The following PDE8A variants were observed in gnomAD, a reference collection of about 807,000 sequenced individuals.
PDE8A encodes the protein phosphodiesterase 8A.
In PDE8A, 59 loss-of-function variants were observed where a neutral mutation model predicts 105.0. That is an observed-to-expected ratio of 0.56 (90% CI 0.46 to 0.70). The LOEUF is 0.70. Among genes scored for constraint, PDE8A ranks in the 30% least tolerant of loss-of-function variants. The pLI, the probability that PDE8A is intolerant of heterozygous loss-of-function variation, is 0.00. For synonymous variants in PDE8A, 355 were observed against 371.9 expected (o/e 0.95, Z 0.52); for missense variants, 1,014 against 1,045.9 (o/e 0.97, Z 0.42).
chr15:85,081,166 T>G (rs1263199979), intron 5 of PDE8A, among the ~76,000 whole-genome samples: 2 of 152,196 alleles, frequency 1.3e-5, no homozygotes, highest in Non-Finnish European at 2.9e-5. Flanking sequence ...GCTAACACCA[T>G]AATGATATCT....
chr15:85,138,199 CA>C lies in PDE8A; in HGVS notation c.*299del, dbSNP rs746006601. On this transcript the variant is annotated 3_prime_UTR_variant, in exon 22 of 22. Transcript: ENST00000394553. ...AAACACAAGGTCTGGAGTGCCCCTG[CA>C]AAGGGTATTGATGGACTTCCTGCCA... 3.3e-4 allele frequency: 94 copies of C among 281,648 alleles called. No individual in the cohort carries two copies. Among genetic ancestry groups the C allele is most frequent in the Non-Finnish European group, 5.5e-4 (82 of 149,814 alleles). 17.4% of individuals were successfully genotyped at this position (281,648 alleles called of 1,614,324 possible).
At chr15:85,086,552 T>G (rs1303733182) in intron 6 of PDE8A, among the ~76,000 whole-genome samples, 2 of 152,134 alleles carry the variant, frequency 1.3e-5, no homozygotes, top group Non-Finnish European at 2.9e-5. Context: ...CAAGAGATAT[T>G]AATGGCCAAT....
rs201717385 is a variant in PDE8A, at chr15:84,999,078, A to G, written c.186+16730A>G. Reference sequence around the variant, plus strand: ...TTCTCTTGTCAATTCTCCCATCTACACAGAGAACTCCAGTTTGGTAAATTT... The same window carrying G: ...TTCTCTTGTCAATTCTCCCATCTACGCAGAGAACTCCAGTTTGGTAAATTT... On this transcript the variant is annotated intron_variant, in intron 1 of 21. Transcript: ENST00000394553. 5.3e-5 allele frequency among the ~76,000 whole-genome samples: 8 copies of G among 150,830 alleles called. No homozygotes were observed. In the East Asian group the frequency reaches 1.4e-3, roughly 26 times the overall value.
upstream of PDE8A, chr15:84,981,826 C>CT (rs1306799942): frequency 6.0e-6 from 1 of 165,950 alleles, no homozygotes; most frequent in Non-Finnish European, 1.3e-5. Context: ...AAGGAGAGCG[C>CT]AAATCTCCTC....
chr15:85,119,819 C>G (rs2082153648), intron 17 of PDE8A, among the ~76,000 whole-genome samples: 3 of 151,468 alleles, frequency 2.0e-5, no homozygotes, highest in South Asian at 4.2e-4. Context: ...TAGAAAATAA[C>G]AAAAATGAGA....
At chr15:85,011,821 A>C (rs2080243876) in intron 1 of PDE8A, among the ~76,000 whole-genome samples, 1 of 152,210 alleles carries the variant, frequency 6.6e-6, no homozygotes, top group Admixed American at 6.5e-5. Flanking sequence ...AATATCCAGA[A>C]TCTACAATGA....
intron 18 of PDE8A, among the ~76,000 whole-genome samples, 178 bp from the exon 19 acceptor site, chr15:85,122,883 A>G (rs2082203133): frequency 1.3e-5 from 2 of 152,176 alleles, no homozygotes; most frequent in African/African-American, 2.4e-5. Context: ...CTCCTTGCTA[A>G]CGATCTAGGC....
At chr15:84,980,690 A>C (rs2079692235), upstream of PDE8A, 3 of 152,290 alleles carry the variant, frequency 2.0e-5, no homozygotes. Flanking sequence ...CAAGAAGTTA[A>C]GTGACTGGCC....
intron 1 of PDE8A, among the ~76,000 whole-genome samples, chr15:85,012,049 C>T (rs2080248340): frequency 6.6e-6 from 1 of 152,154 alleles, no homozygotes; most frequent in Admixed American, 6.5e-5. Flanking sequence ...CAGGAAACAG[C>T]AGGTGCTGGA....
chr15:85,088,602 G>A (rs1291967923), intron 6 of PDE8A, among the ~76,000 whole-genome samples: 1 of 152,180 alleles, frequency 6.6e-6, no homozygotes, highest in Non-Finnish European at 1.5e-5. Context: ...TGGACATAAT[G>A]GGGCTGTTTC....
In PDE8A at chr15:85,044,276, A is replaced by G. The variant is rs139341846; in HGVS notation, c.187-20094A>G. ...CCCCAGTATATAACTAGAATTTGCA[A>G]TCAGTCAGGGTAACATACACAAGGT... On this transcript the variant is annotated intron_variant, in intron 1 of 21. Transcript: ENST00000394553. Among the ~76,000 whole-genome samples the G allele has an allele frequency of 9.4e-3, 1,431 of 152,286 alleles. 27 individuals carry two copies. Among genetic ancestry groups the G allele is most frequent in the African/African-American group, 0.033 (1,351 of 41,562 alleles).
intron 8 of PDE8A, among the ~76,000 whole-genome samples, chr15:85,093,862 C>CTT (rs61045649): frequency 7.4e-5 from 11 of 148,098 alleles, no homozygotes; most frequent in African/African-American, 9.9e-5. Flanking sequence ...TTTTAGAGAT[C>CTT]TTTTTTTTTT....
At chr15:85,003,058 G>C (rs923012291) in intron 1 of PDE8A, among the ~76,000 whole-genome samples, 3 of 151,638 alleles carry the variant, frequency 2.0e-5, no homozygotes, top group African/African-American at 7.3e-5. Flanking sequence ...CAAGTTTCCT[G>C]ATTATATTGG....
intron 20 of PDE8A, among the ~76,000 whole-genome samples, chr15:85,127,550 A>G (rs1348753452): frequency 2.6e-5 from 4 of 152,238 alleles, no homozygotes; most frequent in Non-Finnish European, 5.9e-5. Flanking sequence ...AAATGAAACC[A>G]AAAGCCCAGT....
chr15:85,008,512 C>G (rs1235767046), intron 1 of PDE8A, among the ~76,000 whole-genome samples: 1 of 151,970 alleles, frequency 6.6e-6, no homozygotes, highest in African/African-American at 2.4e-5. Flanking sequence ...CACTCTGGGC[C>G]CCATTTTTAA....
At position 85,020,180 on chromosome 15, in the gene PDE8A, A is replaced by G. The variant is rs143442314; in HGVS notation, c.186+37832A>G. 1.3e-3 allele frequency among the ~76,000 whole-genome samples: 191 copies of G among 152,140 alleles called. 1 individual carries two copies. The highest frequency in any genetic ancestry group is 2.8e-3 in the African/African-American group (118 of 41,488). ...AGGCACAAGATTACTAATCTTCTCA[A>G]TTCTCTGTCTGTGTTTATTTTTTAT... On this transcript the variant is annotated intron_variant, in intron 1 of 21. Transcript: ENST00000394553.
At chr15:85,115,072 C>CCCTCTG (rs2082074938) in intron 14 of PDE8A, among the ~76,000 whole-genome samples, 1 of 152,120 alleles carries the variant, frequency 6.6e-6, no homozygotes, top group Admixed American at 6.5e-5. Flanking sequence ...AGGAGAAGGA[C>CCCTCTG]TGAGGGCAGA....
chr15:85,080,533 G>A (rs1023464332), intron 5 of PDE8A, among the ~76,000 whole-genome samples: 9 of 152,260 alleles, frequency 5.9e-5, no homozygotes, highest in East Asian at 1.9e-4. Flanking sequence ...ACCTACAGCC[G>A]CATGAGGTCA....
chr15:85,074,233 A>G (rs1240283323), intron 3 of PDE8A, among the ~76,000 whole-genome samples: 2 of 152,204 alleles, frequency 1.3e-5, no homozygotes, highest in Non-Finnish European at 2.9e-5. Flanking sequence ...CCGAATCCCT[A>G]CAGGCAAGAA....
Sources: allele counts gnomAD v4.1 joint callset (sites outside exome capture counted in the v4.1 genomes callset), GRCh38; gene constraint gnomAD v4.1.1; transcripts MANE v1.5; gene names NCBI Gene and HGNC (gene_info 2026-07-23, HGNC 2026-07-21).